The following OR4S2 variants were observed in gnomAD, a reference collection of about 807,000 sequenced individuals.
OR4S2 encodes the protein olfactory receptor 4S2.
A neutral mutation model predicts 15.1 loss-of-function variants in OR4S2; 16 were observed. The observed-to-expected ratio is 1.06, with a 90% CI of 0.72 to 1.61. The LOEUF (loss-of-function observed/expected upper bound fraction) is 1.61. Ranked by LOEUF, OR4S2 falls within the 40% of genes most tolerant of loss-of-function variation. The probability of loss-of-function intolerance (pLI) is 0.00; values close to 1 mark genes in which losing one functional copy is unlikely to be tolerated. For synonymous variants in OR4S2, 133 were observed against 136.3 expected (o/e 0.98, Z 0.17); for missense variants, 362 against 379.6 (o/e 0.95, Z 0.38).
At position 55,650,915 on chromosome 11, in the gene OR4S2, AAACAACGT is replaced by A; in HGVS notation, c.16_23del (p.Asn6Ter). 7.2e-7 allele frequency: 1 copy of A among 1,387,700 alleles called. No individual in the cohort carries two copies. Among genetic ancestry groups the A allele is most frequent in the Non-Finnish European group, 9.9e-7 (1 of 1,009,994 alleles). 86.0% of individuals were successfully genotyped at this position (1,387,700 alleles called of 1,614,324 possible). ...ACTTGACCCATTCCATGGAAAAAAT[AAACAACGT>A]AACTGAATTCATTTTCTGGGGTCTT... On this transcript the variant is annotated frameshift_variant, in exon 2 of 2. Transcript: ENST00000641692. LOFTEE classifies it high-confidence loss of function.
At chr11:55,650,013 T>G (rs1565075435) in intron 1 of OR4S2, among the ~76,000 whole-genome samples, 1 of 139,166 alleles carries the variant, frequency 7.2e-6, no homozygotes, top group Non-Finnish European at 1.6e-5. Context: ...CTTTTATTGC[T>G]TTACCTTATT....
Position 55,651,515 on chromosome 11 carries a change from TG to T in OR4S2, c.613del (p.Ala205LeufsTer9), listed in dbSNP as rs556286481. ...TTGTGACAGCCAACAGTGGTACCAT[TG>T]CTCTGGGGAGTTTTGTTATCTTGCT... is the stretch of plus-strand genomic sequence containing the variant. ...VVVTANSGTI[A>X]LGSFVILLIS... On this transcript the variant is annotated frameshift_variant, in exon 2 of 2. Transcript: ENST00000641692. LOFTEE classifies it high-confidence loss of function. 307 of 1,489,042 alleles carry T rather than the reference TG, an allele frequency of 2.1e-4. 60 individuals are homozygous for T. In the South Asian group the frequency reaches 2.8e-3, roughly 14 times the overall value. 92.2% of individuals were successfully genotyped at this position (1,489,042 alleles called of 1,614,324 possible).
At position 55,651,252 on chromosome 11, in the gene OR4S2, G is replaced by T; in HGVS notation, c.349G>T (p.Ala117Ser). The T allele has an allele frequency of 6.8e-7, 1 of 1,470,948 alleles. No individual in the cohort carries two copies. Among genetic ancestry groups the T allele is most frequent in the Non-Finnish European group, 9.3e-7 (1 of 1,077,762 alleles). 91.1% of individuals were successfully genotyped at this position (1,470,948 alleles called of 1,614,324 possible). A position where few individuals can be genotyped will look rare whatever the true frequency, so the allele number is the denominator to read the frequency against. ...CTEIFILTVM[A>S]YDRYVAICKP... ...TGAGATCTTCATCCTTACTGTAATG[G>T]CCTATGATCGTTATGTGGCTATCTG... The change falls in exon 2 of 2, where the codon GCC becomes TCC. Residue 117 changes from alanine to serine, a missense_variant. By Grantham distance (99) the Ala-to-Ser change is moderately conservative. Transcript: ENST00000641692.
chr11:55,651,524 G>A lies in OR4S2; in HGVS notation c.621G>A (p.Gly207=). Residue 207 remains glycine, a synonymous_variant, in exon 2 of 2, where the codon GGG becomes GGA. Transcript: ENST00000641692. Reference sequence around the variant, plus strand: ...CCAACAGTGGTACCATTGCTCTGGGGAGTTTTGTTATCTTGCTAATCTCCT... The same window carrying A: ...CCAACAGTGGTACCATTGCTCTGGGAAGTTTTGTTATCTTGCTAATCTCCT... The part of the protein sequence containing the change: ...VTANSGTIAL[G]SFVILLISYS... 2.0e-6 allele frequency: 3 copies of A among 1,490,738 alleles called. 1 individual carries two copies. Among genetic ancestry groups the A allele is most frequent in the African/African-American group, 1.4e-5 (1 of 72,784 alleles). The allele number at this position is 1,490,738 out of a possible 1,614,324, so 92.3% of individuals were successfully genotyped here.
At position 55,650,869 on chromosome 11, in the gene OR4S2, T is replaced by G; in HGVS notation, c.-35T>G. ...CTTTTTATGTTTTCTTTTTTTCAGGTAATTTAATTGTCTCCTAAGAACTTG... is the reference window on the plus strand; with the variant it reads ...CTTTTTATGTTTTCTTTTTTTCAGGGAATTTAATTGTCTCCTAAGAACTTG... On this transcript the variant is annotated splice_region_variant and 5_prime_UTR_variant, in exon 2 of 2. Transcript: ENST00000641692. The G allele has an allele frequency of 1.1e-6, 1 of 943,290 alleles. No individual in the cohort carries two copies. The highest frequency in any genetic ancestry group is 1.6e-6 in the Non-Finnish European group (1 of 631,790). The allele number at this position is 943,290 out of a possible 1,614,324, so 58.4% of individuals were successfully genotyped here. A position where few individuals can be genotyped will look rare whatever the true frequency, so the allele number is the denominator to read the frequency against.
At position 55,648,336 on chromosome 11, in the gene OR4S2, T is replaced by C. The variant is rs1459897697; in HGVS notation, c.-251T>C. On this transcript the variant is annotated 5_prime_UTR_variant, in exon 1 of 2. Transcript: ENST00000641692. ...AAACAGCATTTATTGTCAAAGACCC[T>C]GTGAAATGGCAGGTATCATTAGGTG... is the stretch of plus-strand genomic sequence containing the variant. The C allele has an allele frequency of 7.3e-6, 1 of 137,702 alleles. No homozygotes were observed. The highest frequency in any genetic ancestry group is 1.6e-5 in the Non-Finnish European group (1 of 61,950). The allele number at this position is 137,702 out of a possible 1,614,324, so 8.5% of individuals were successfully genotyped here. A position where few individuals can be genotyped will look rare whatever the true frequency, so the allele number is the denominator to read the frequency against.
Position 55,650,990 on chromosome 11 carries a change from T to C in OR4S2, c.87T>C (p.Phe29=). Residue 29 remains phenylalanine (F), a synonymous_variant, in exon 2 of 2, where the codon TTT becomes TTC. Transcript: ENST00000641692. ...TTGAGAAAGTTTGTTTTGTGGTGTT[T>C]TCTTTCTTCTACATAATCATTCTTC... ...PEIEKVCFVV[F]SFFYIIILLG... 6.8e-7 allele frequency: 1 copy of C among 1,462,844 alleles called. No individual in the cohort carries two copies. The highest frequency in any genetic ancestry group is 1.4e-5 in the African/African-American group (1 of 72,546). 90.6% of individuals were successfully genotyped at this position (1,462,844 alleles called of 1,614,324 possible). A position where few individuals can be genotyped will look rare whatever the true frequency, so the allele number is the denominator to read the frequency against.
chr11:55,650,708 T>C lies in OR4S2; in HGVS notation c.-36-160T>C, dbSNP rs1311605595. 1.5e-4 allele frequency among the ~76,000 whole-genome samples: 21 copies of C among 138,952 alleles called. 1 individual carries two copies. The highest frequency in any genetic ancestry group is 5.2e-4 in the African/African-American group (21 of 40,028). The allele number at this position is 138,952 out of a possible 152,430, so 91.2% of individuals were successfully genotyped here. ...TCTCACCTGAAGTGAACGAATGTGA[T>C]CTTATCTTGAGGTAAGATGATCAAA... On this transcript the variant is annotated intron_variant, in intron 1 of 1. Coordinates refer to ENST00000641692, the MANE Select transcript of OR4S2 (RefSeq NM_001004059.3).
Position 55,651,823 on chromosome 11 carries a change from A to C in OR4S2, c.920A>C (p.Glu307Ala). 7.1e-7 allele frequency: 1 copy of C among 1,406,562 alleles called. No homozygotes were observed. The highest frequency in any genetic ancestry group is 1.2e-5 in the South Asian group (1 of 81,030). The allele number at this position is 1,406,562 out of a possible 1,614,324, so 87.1% of individuals were successfully genotyped here. A position where few individuals can be genotyped will look rare whatever the true frequency, so the allele number is the denominator to read the frequency against. ...CTGTGGGGCAGAAATGTTTTCTTGG[A>C]GGCTAAAGGGAAATAGTTGGACTTA... is the stretch of plus-strand genomic sequence containing the variant. ...KKLWGRNVFL[E>A]AKGK The change falls in exon 2 of 2, where the codon GAG (glutamate) becomes GCG (alanine). Residue 307 changes from glutamate (E) to alanine (A), a missense_variant. Coordinates refer to ENST00000641692, the MANE Select transcript of OR4S2 (RefSeq NM_001004059.3).
Position 55,651,788 on chromosome 11 carries a change from A to G in OR4S2, c.885A>G (p.Ala295=). The change falls in exon 2 of 2, where the codon GCA becomes GCG. Residue 295 remains alanine, a synonymous_variant. Coordinates refer to ENST00000641692, the MANE Select transcript of OR4S2 (RefSeq NM_001004059.3). ...YTLRNAEVKN[A]MKKLWGRNVF... is the part of the protein sequence containing the mutation. ...TGAGAAATGCAGAAGTAAAGAATGC[A>G]ATGAAGAAACTGTGGGGCAGAAATG... The G allele has an allele frequency of 1.4e-6, 2 of 1,463,028 alleles. 1 individual carries two copies. The highest frequency in any genetic ancestry group is 1.9e-6 in the Non-Finnish European group (2 of 1,072,082). The allele number at this position is 1,463,028 out of a possible 1,614,324, so 90.6% of individuals were successfully genotyped here.
At chr11:55,649,416 C>A (rs1016185269) in intron 1 of OR4S2, among the ~76,000 whole-genome samples, 1 of 138,312 alleles carries the variant, frequency 7.2e-6, no homozygotes, top group Non-Finnish European at 1.6e-5. Context: ...GGCACGACTT[C>A]ACTGCATAAG....
intron 1 of OR4S2, among the ~76,000 whole-genome samples, chr11:55,649,495 C>T (rs1232287762): frequency 2.9e-5 from 4 of 138,218 alleles, no homozygotes; most frequent in African/African-American, 1.0e-4. Flanking sequence ...AGAGGATCTA[C>T]AGGTCTCTGC....
rs1252274282 is a variant in OR4S2 at position 55,649,437 on chromosome 11, A to G, written c.-37+887A>G. 1.4e-5 allele frequency among the ~76,000 whole-genome samples: 2 copies of G among 138,494 alleles called. 1 individual carries two copies. Among genetic ancestry groups the G allele is most frequent in the East Asian group, 4.7e-4 (2 of 4,256 alleles). The allele number at this position is 138,494 out of a possible 152,430, so 90.9% of individuals were successfully genotyped here. On this transcript the variant is annotated intron_variant, in intron 1 of 1. Coordinates refer to ENST00000641692, the MANE Select transcript of OR4S2 (RefSeq NM_001004059.3). ...ACTTCACTGCATAAGGATAGCTGAGAGCACAGAGTTTAGTAGGAGTTGTCA... is the reference window on the plus strand; with the variant it reads ...ACTTCACTGCATAAGGATAGCTGAGGGCACAGAGTTTAGTAGGAGTTGTCA...
rs1295933490 is a variant in OR4S2, at chr11:55,651,459, G to T, written c.556G>T (p.Ala186Ser). 1.3e-6 allele frequency: 2 copies of T among 1,487,988 alleles called. No individual in the cohort carries two copies. The highest frequency in any genetic ancestry group is 2.8e-5 in the African/African-American group (2 of 72,672). The allele number at this position is 1,487,988 out of a possible 1,614,324, so 92.2% of individuals were successfully genotyped here. Residue 186 changes from alanine (A) to serine (S), a missense_variant, in exon 2 of 2, where the codon GCC becomes TCC. Coordinates refer to ENST00000641692, the MANE Select transcript of OR4S2 (RefSeq NM_001004059.3). ...FCDVHPVLKL[A>S]CTETYIVGVV... ...TGATGTTCACCCTGTGTTGAAACTTGCCTGCACAGAAACATACATTGTTGG... is the reference window on the plus strand; with the variant it reads ...TGATGTTCACCCTGTGTTGAAACTTTCCTGCACAGAAACATACATTGTTGG...
rs1590481381 is a variant in OR4S2 at position 55,650,551 on chromosome 11, G to A, written c.-36-317G>A. Among the ~76,000 whole-genome samples, 4 of 138,138 alleles carry A rather than the reference G, an allele frequency of 2.9e-5. 2 individuals carry two copies. Among genetic ancestry groups the A allele is most frequent in the Admixed American group, 1.6e-4 (2 of 12,694 alleles). 90.6% of individuals were successfully genotyped at this position (138,138 alleles called of 152,430 possible). On this transcript the variant is annotated intron_variant, in intron 1 of 1. Coordinates refer to ENST00000641692, the MANE Select transcript of OR4S2 (RefSeq NM_001004059.3). ...AGAAGTTGTTTCAAAACTCAGTGTC[G>A]TATAAAAAATAAAAACTAAATAAAG...
chr11:55,649,240 C>T (rs1489459713), intron 1 of OR4S2, among the ~76,000 whole-genome samples: 1 of 138,394 alleles, frequency 7.2e-6, no homozygotes, highest in Non-Finnish European at 1.6e-5. Context: ...CATGTAAAAG[C>T]AGGGGATGTG....
rs1442349209 is a variant in OR4S2, at chr11:55,651,080, C to A, written c.177C>A (p.Phe59Leu). Residue 59 changes from phenylalanine to leucine, a missense_variant, in exon 2 of 2, where the codon TTC becomes TTA. Physicochemically the swap from Phe to Leu is conservative, Grantham distance 22 (BLOSUM62 0). Coordinates refer to ENST00000641692, the MANE Select transcript of OR4S2 (RefSeq NM_001004059.3). ...ACCTGTTTAAGTCACCCATGTATTT[C>A]TTTCTCAGCTTCTTGTCTTTTGTGG... ...LSNLFKSPMY[F>L]FLSFLSFVDI... is the part of the protein sequence containing the mutation. 21 of 1,484,042 alleles carry A rather than the reference C, an allele frequency of 1.4e-5. 4 individuals carry two copies. Among genetic ancestry groups the A allele is most frequent in the South Asian group, 3.5e-5 (3 of 84,736 alleles). 91.9% of individuals were successfully genotyped at this position (1,484,042 alleles called of 1,614,324 possible).
rs765526589 is a variant in OR4S2, at chr11:55,651,433, G to T, written c.530G>T (p.Cys177Phe). Residue 177 changes from cysteine (C) to phenylalanine (F), a missense_variant, in exon 2 of 2, where the codon TGT (cysteine) becomes TTT (phenylalanine). Physicochemically the swap from Cys to Phe is radical, Grantham distance 205. Coordinates refer to ENST00000641692, the MANE Select transcript of OR4S2 (RefSeq NM_001004059.3). ...CGPNEIDHYFCDVHPVLKLAC... is the reference protein window; with the variant it reads ...CGPNEIDHYFFDVHPVLKLAC... ...CCCAATGAGATAGATCACTACTTTTGTGATGTTCACCCTGTGTTGAAACTT... is the reference window on the plus strand; with the variant it reads ...CCCAATGAGATAGATCACTACTTTTTTGATGTTCACCCTGTGTTGAAACTT... 6.7e-7 allele frequency: 1 copy of T among 1,491,482 alleles called. No individual in the cohort carries two copies. Among genetic ancestry groups the T allele is most frequent in the South Asian group, 1.2e-5 (1 of 84,860 alleles). The allele number at this position is 1,491,482 out of a possible 1,614,324, so 92.4% of individuals were successfully genotyped here.
rs1368152130 is a variant in OR4S2 at position 55,651,096 on chromosome 11, T to C, written c.193T>C (p.Ser65Pro). Residue 65 changes from serine to proline, a missense_variant, in exon 2 of 2, where the codon TCT becomes CCT. Physicochemically the swap from Ser to Pro is moderately conservative, Grantham distance 74. Transcript: ENST00000641692. ...SPMYFFLSFL[S>P]FVDICYSSVT... ...CATGTATTTCTTTCTCAGCTTCTTG[T>C]CTTTTGTGGACATTTGTTACTCTTC... 1.3e-6 allele frequency: 2 copies of C among 1,483,932 alleles called. No individual in the cohort carries two copies. The highest frequency in any genetic ancestry group is 1.8e-6 in the Non-Finnish European group (2 of 1,089,212). The allele number at this position is 1,483,932 out of a possible 1,614,324, so 91.9% of individuals were successfully genotyped here.
Sources: allele counts gnomAD v4.1 joint callset (sites outside exome capture counted in the v4.1 genomes callset), GRCh38; gene constraint gnomAD v4.1.1; transcripts MANE v1.5; gene names NCBI Gene and HGNC (gene_info 2026-07-23, HGNC 2026-07-21).